The following MTUS2 variants were observed in gnomAD, a reference collection of about 807,000 sequenced individuals.
MTUS2 encodes the protein microtubule associated scaffold protein 2, also known as microtubule-associated tumor suppressor candidate 2.
A neutral mutation model predicts 114.1 loss-of-function variants in MTUS2; 40 were observed. The observed-to-expected ratio is 0.35, with a 90% CI of 0.27 to 0.46. The LOEUF (loss-of-function observed/expected upper bound fraction) is 0.46. MTUS2 is among the 20% of genes least tolerant of loss of function. The pLI is 1.00. For synonymous variants in MTUS2, 688 were observed against 672.0 expected (o/e 1.02, Z -0.37); for missense variants, 1,679 against 1,705.4 (o/e 0.98, Z 0.27).
At chr13:29,472,734 A>C (rs549833068) in intron 9 of MTUS2, among the ~76,000 whole-genome samples, 1 of 152,244 alleles carries the variant, frequency 6.6e-6, no homozygotes, top group Non-Finnish European at 1.5e-5. Context: ...TATAATGGCA[A>C]ATCTTGGAAA....
chr13:28,998,660 C>A (rs540882533), intron 2 of MTUS2, among the ~76,000 whole-genome samples: 1 of 152,260 alleles, frequency 6.6e-6, no homozygotes, highest in African/African-American at 2.4e-5. Flanking sequence ...ATTGCTGATA[C>A]GCTTTCTTCC....
intron 7 of MTUS2, among the ~76,000 whole-genome samples, chr13:29,355,644 G>A (rs1237493471): frequency 1.3e-5 from 2 of 152,230 alleles, no homozygotes; most frequent in African/African-American, 2.4e-5. Flanking sequence ...CTTATTCACA[G>A]AGTATGTGCT....
At chr13:29,319,753 C>T (rs1001855407) in intron 6 of MTUS2, among the ~76,000 whole-genome samples, 5 of 152,006 alleles carry the variant, frequency 3.3e-5, no homozygotes, top group African/African-American at 4.8e-5. Context: ...AGGCCTAGTA[C>T]GAGATGCCCG....
At chr13:29,501,891 TCATA>T (rs1174919659) in intron 15 of MTUS2, among the ~76,000 whole-genome samples, 2 of 152,144 alleles carry the variant, frequency 1.3e-5, no homozygotes, top group Admixed American at 6.5e-5. Flanking sequence ...AGGCACACTC[TCATA>T]CACTTACGCA....
At chr13:29,239,761 T>G (rs751129683) in intron 5 of MTUS2, 1 of 152,182 alleles carries the variant, frequency 6.6e-6, no homozygotes, top group African/African-American at 2.4e-5. Flanking sequence ...TTATGTTGCT[T>G]TCATTTTATC....
chr13:29,376,247 G>C (rs575166119), intron 8 of MTUS2, among the ~76,000 whole-genome samples: 1 of 152,116 alleles, frequency 6.6e-6, no homozygotes, highest in African/African-American at 2.4e-5. Context: ...GAGGTTGCAC[G>C]TAGATATGAT....
At chr13:28,888,029 C>T (rs1878692836) in intron 2 of MTUS2, among the ~76,000 whole-genome samples, 1 of 152,200 alleles carries the variant, frequency 6.6e-6, no homozygotes, top group Non-Finnish European at 1.5e-5. Flanking sequence ...TCGCATAGCT[C>T]TAGTACCACT....
At chr13:29,439,931 C>A in intron 8 of MTUS2, 52 bp from the exon 9 acceptor site, 1 of 1,352,666 alleles carries the variant, frequency 7.4e-7, no homozygotes, top group Non-Finnish European at 1.0e-6. Flanking sequence ...TGTGAAAGTG[C>A]TTATCTAGCA....
chr13:29,274,408 C>T (rs1022383012), intron 5 of MTUS2, among the ~76,000 whole-genome samples: 4 of 152,130 alleles, frequency 2.6e-5, no homozygotes, highest in Non-Finnish European at 5.9e-5. Flanking sequence ...CCACGCCTGG[C>T]CAACTCTATG....
chr13:29,039,366 C>T (rs755340464), intron 4 of MTUS2, among the ~76,000 whole-genome samples: 10 of 152,202 alleles, frequency 6.6e-5, no homozygotes, highest in East Asian at 5.8e-4. Flanking sequence ...GGAATCAGGA[C>T]GCCAGAAACT....
intron 8 of MTUS2, among the ~76,000 whole-genome samples, chr13:29,411,868 G>C (rs34410938): frequency 1.3e-5 from 2 of 152,060 alleles, no homozygotes; most frequent in Admixed American, 6.5e-5. Context: ...CTTCCATTGC[G>C]TTCTCTAAAT....
At chr13:29,188,143 C>T (rs1457956670) in intron 5 of MTUS2, among the ~76,000 whole-genome samples, 2 of 152,088 alleles carry the variant, frequency 1.3e-5, no homozygotes, top group Non-Finnish European at 2.9e-5. Context: ...CTTGGTAACC[C>T]AGGTGTATCT....
chr13:29,032,155 A>AAAAATGCAC (rs1351223220), intron 3 of MTUS2, among the ~76,000 whole-genome samples: 2 of 152,158 alleles, frequency 1.3e-5, no homozygotes, highest in Non-Finnish European at 1.5e-5. Flanking sequence ...TTGTTTAATT[A>AAAAATGCAC]AAAATGCACA....
At position 29,332,633 on chromosome 13, in the gene MTUS2, CTT is replaced by C. The variant is rs58161086; in HGVS notation, c.2905+7938_2905+7939del. ...TTTGTTTGCTCTTGCTTCTCTAATT[CTT>C]TTTTTTTTTTTTTTTCGGACACAGA... On this transcript the variant is annotated intron_variant, in intron 7 of 15. Coordinates refer to ENST00000612955, the MANE Select transcript of MTUS2 (RefSeq NM_001033602.4). Among the ~76,000 whole-genome samples, 700 of 113,662 alleles carry C rather than the reference CTT, an allele frequency of 6.2e-3. 5 individuals are homozygous for C. The highest frequency in any genetic ancestry group is 0.017 in the African/African-American group (546 of 32,854). The allele number at this position is 113,662 out of a possible 152,430, so 74.6% of individuals were successfully genotyped here.
chr13:29,004,704 A>G (rs765342949), intron 2 of MTUS2, among the ~76,000 whole-genome samples: 4 of 152,230 alleles, frequency 2.6e-5, no homozygotes, highest in African/African-American at 9.6e-5. Flanking sequence ...TCTGATGCCT[A>G]CTAAACAAGC....
chr13:29,100,158 T>C (rs1890347507), intron 4 of MTUS2, among the ~76,000 whole-genome samples: 1 of 152,196 alleles, frequency 6.6e-6, no homozygotes. Context: ...GAAAGGAAAC[T>C]GTGGCTTTAA....
At chr13:28,838,791 G>A (rs745444015) in intron 1 of MTUS2, among the ~76,000 whole-genome samples, 1 of 152,094 alleles carries the variant, frequency 6.6e-6, no homozygotes, top group African/African-American at 2.4e-5. Context: ...GACTGGGTGG[G>A]AAGAAAGAAT....
At chr13:29,045,107 C>T (rs779804551) in intron 4 of MTUS2, among the ~76,000 whole-genome samples, 15 of 152,190 alleles carry the variant, frequency 9.9e-5, no homozygotes, top group Non-Finnish European at 1.9e-4. Context: ...TTTATTAGGC[C>T]AGGCTCTCCC....
intron 2 of MTUS2, among the ~76,000 whole-genome samples, chr13:28,940,032 C>G (rs1253619284): frequency 6.6e-6 from 1 of 152,188 alleles, no homozygotes; most frequent in African/African-American, 2.4e-5. Flanking sequence ...GCCCCCTTGA[C>G]TCAGTTACCT....
Sources: allele counts gnomAD v4.1 joint callset (sites outside exome capture counted in the v4.1 genomes callset), GRCh38; gene constraint gnomAD v4.1.1; transcripts MANE v1.5; gene names NCBI Gene and HGNC (gene_info 2026-07-23, HGNC 2026-07-21).